The following CRYZL1 variants were observed in gnomAD, a reference collection of about 807,000 sequenced individuals.
The protein encoded by CRYZL1 is crystallin zeta like 1, also known as ferry endosomal RAB5 effector complex subunit 4.
A neutral mutation model predicts 50.6 loss-of-function variants in CRYZL1; 34 were observed. The ratio of observed to expected loss-of-function variants is 0.67; its 90% CI spans 0.51 to 0.89. The LOEUF (loss-of-function observed/expected upper bound fraction) is 0.89. CRYZL1 is among the 40% of genes least tolerant of loss of function. The pLI is 0.00. For missense variants in CRYZL1, 354 were observed against 402.3 expected (o/e 0.88, Z 1.03); for synonymous variants, 125 against 134.3 (o/e 0.93, Z 0.48).
At chr21:33,629,847 A>C (rs980771192) in intron 2 of CRYZL1, among the ~76,000 whole-genome samples, 1 of 152,216 alleles carries the variant, frequency 6.6e-6, no homozygotes, top group Non-Finnish European at 1.5e-5. Context: ...TTTCCTGTTC[A>C]GTATGATGTT....
intron 6 of CRYZL1, among the ~76,000 whole-genome samples, chr21:33,608,958 C>T (rs746220437): frequency 1.1e-4 from 17 of 152,158 alleles, no homozygotes; most frequent in Non-Finnish European, 1.8e-4. Context: ...TACTAGTTTA[C>T]ATTCTCACCA....
chr21:33,602,519 T>C (rs1569084152), intron 7 of CRYZL1, among the ~76,000 whole-genome samples, 174 bp from the exon 8 acceptor site: 1 of 152,202 alleles, frequency 6.6e-6, no homozygotes, highest in African/African-American at 2.4e-5. Flanking sequence ...AGGGGAAATA[T>C]TTGATTGACT....
chr21:33,612,480 A>T (rs917818560), intron 6 of CRYZL1, among the ~76,000 whole-genome samples: 3 of 152,006 alleles, frequency 2.0e-5, no homozygotes, highest in Non-Finnish European at 4.4e-5. Flanking sequence ...GTAGAGACAG[A>T]GTTTCACCAT....
Position 33,641,066 on chromosome 21 carries a change from G to C in CRYZL1, c.-7+615C>G. The stretch of plus-strand genomic sequence containing the variant: ...AGGGACTCGCATTATATTTGTACTG[G>C]ACAGAGTTCAGGTAAAACCTTTCTA... On this transcript the variant is annotated intron_variant, in intron 1 of 12. Transcript: ENST00000381554. The C allele has an allele frequency of 2.7e-6, 4 of 1,489,030 alleles. No individual in the cohort carries two copies. The South Asian group carries it at 5.3e-5, about 20-fold the overall frequency. The allele number at this position is 1,489,030 out of a possible 1,614,324, so 92.2% of individuals were successfully genotyped here.
chr21:33,597,376 T>C lies in CRYZL1; in HGVS notation c.702A>G (p.Glu234=), dbSNP rs768926269. Residue 234 remains glutamate (E), a synonymous_variant, in exon 10 of 13, where the codon GAA becomes GAG. Transcript: ENST00000381554. ...AGVRLYSKDD[E]PAVKLQLLPH... ...GTAGTAGTTGTAGTTTTACAGCTGG[T>C]TCATCATCTTTACTATATAATCTCA... 4.4e-6 allele frequency: 7 copies of C among 1,592,128 alleles called. No homozygotes were observed. The highest frequency in any genetic ancestry group is 1.7e-4 in the Middle Eastern group (1 of 6,026).
At chr21:33,612,940 C>T (rs1160484175) in intron 6 of CRYZL1, among the ~76,000 whole-genome samples, 1 of 152,072 alleles carries the variant, frequency 6.6e-6, no homozygotes, top group Non-Finnish European at 1.5e-5. Context: ...TCTCATGCCT[C>T]ATCCTCCTGA....
chr21:33,598,894 CA>C (rs1436807773), intron 9 of CRYZL1, among the ~76,000 whole-genome samples: 3 of 151,528 alleles, frequency 2.0e-5, no homozygotes, highest in African/African-American at 7.3e-5. Context: ...CCAATGTGGC[CA>C]GGGAAGCCAA....
intron 2 of CRYZL1, among the ~76,000 whole-genome samples, chr21:33,625,312 T>C (rs570964346): frequency 2.8e-3 from 417 of 151,292 alleles, no homozygotes; most frequent in Non-Finnish European, 4.4e-3. Flanking sequence ...CCCGCCACCA[T>C]GCCCAGCTAA....
chr21:33,634,522 C>T (rs997926561), intron 1 of CRYZL1, among the ~76,000 whole-genome samples: 1 of 151,652 alleles, frequency 6.6e-6, no homozygotes, highest in Non-Finnish European at 1.5e-5. Flanking sequence ...TCATTACACA[C>T]TAATGAAACC....
At chr21:33,597,524 C>G in intron 9 of CRYZL1, 123 bp from the exon 10 acceptor site, 1 of 784,222 alleles carries the variant, frequency 1.3e-6, no homozygotes, top group East Asian at 2.7e-5. Context: ...CTATGTTGCC[C>G]AGGCTGGCCT....
intron 1 of CRYZL1, among the ~76,000 whole-genome samples, chr21:33,635,469 G>A (rs1051264967): frequency 2.0e-5 from 3 of 147,566 alleles, no homozygotes; most frequent in Non-Finnish European, 3.0e-5. Flanking sequence ...TCCTGCCTCC[G>A]CCTCCGGAGT....
intron 4 of CRYZL1, among the ~76,000 whole-genome samples, chr21:33,620,816 AAAAC>A (rs1569090006): frequency 6.6e-6 from 1 of 151,566 alleles, no homozygotes; most frequent in Non-Finnish European, 1.5e-5. Context: ...AAAAAAAACA[AAAAC>A]AAAACAAAAC....
In CRYZL1 at chr21:33,593,342, G is replaced by A. The variant is rs562700691; in HGVS notation, c.905-2135C>T. On this transcript the variant is annotated intron_variant, in intron 11 of 12. Coordinates refer to ENST00000381554, the MANE Select transcript of CRYZL1 (RefSeq NM_145858.3). ...AGGATGGTCTCAATCTCCTGACCTC[G>A]TGATCCGCCCACCTTGGCCTCCCAA... is the stretch of plus-strand genomic sequence containing the variant. Among the ~76,000 whole-genome samples the A allele has an allele frequency of 3.9e-5, 6 of 152,088 alleles. No homozygotes were observed. The South Asian group carries it at 8.3e-4, about 21-fold the overall frequency.
chr21:33,590,364 T>C (rs904712163), intron 12 of CRYZL1, among the ~76,000 whole-genome samples: 1 of 152,034 alleles, frequency 6.6e-6, no homozygotes, highest in Non-Finnish European at 1.5e-5. Context: ...CCATTAGTGT[T>C]TCCAATGTTA....
intron 6 of CRYZL1, among the ~76,000 whole-genome samples, chr21:33,605,890 T>C (rs1192084443): frequency 6.6e-6 from 1 of 152,124 alleles, no homozygotes; most frequent in African/African-American, 2.4e-5. Context: ...ACCAGCTCTT[T>C]GAAATGCTTC....
rs2086681639 is a variant in CRYZL1 at position 33,595,169 on chromosome 21, T to C, written c.904+562A>G. The C allele has an allele frequency of 1.1e-5, 12 of 1,078,298 alleles. No homozygotes were observed. In the South Asian group the frequency reaches 2.8e-4, roughly 25 times the overall value. The allele number at this position is 1,078,298 out of a possible 1,614,324, so 66.8% of individuals were successfully genotyped here. ...TTTTATTATTTTTACTCAACTGGAA[T>C]GATTTGGCTTCAATCACACCAGACT... On this transcript the variant is annotated intron_variant, in intron 11 of 12. Transcript: ENST00000381554.
At chr21:33,591,543 C>T (rs1033603531) in intron 11 of CRYZL1, 17 of 322,948 alleles carry the variant, frequency 5.3e-5, no homozygotes, top group Admixed American at 1.4e-4. Flanking sequence ...CTACATATGG[C>T]ATTTTTAGTT....
intron 10 of CRYZL1, chr21:33,596,265 A>G: frequency 4.8e-6 from 2 of 412,550 alleles, no homozygotes; most frequent in Admixed American, 3.3e-5. Context: ...TAATTAGGAA[A>G]TTGTGATAAT....
intron 2 of CRYZL1, among the ~76,000 whole-genome samples, chr21:33,629,048 G>T (rs2087105247): frequency 7.5e-6 from 1 of 132,568 alleles, no homozygotes; most frequent in Admixed American, 7.9e-5. Flanking sequence ...TGGGCAACAT[G>T]GCAAAACCTG....
Sources: allele counts gnomAD v4.1 joint callset (sites outside exome capture counted in the v4.1 genomes callset), GRCh38; gene constraint gnomAD v4.1.1; transcripts MANE v1.5; gene names NCBI Gene and HGNC (gene_info 2026-07-23, HGNC 2026-07-21).